The following KCNJ16 variants were observed in gnomAD, a reference collection of about 807,000 sequenced individuals.
KCNJ16 encodes potassium inwardly rectifying channel subfamily J member 16.
KCNJ16 carries 15 observed loss-of-function variants against 18.5 expected under a neutral mutation model. That is an observed-to-expected ratio of 0.81 (90% CI 0.54 to 1.25). The LOEUF (loss-of-function observed/expected upper bound fraction) is 1.25. Ranked by LOEUF, KCNJ16 falls within the 50% of genes most tolerant of loss-of-function variation. The pLI, the probability that KCNJ16 is intolerant of heterozygous loss-of-function variation, is 0.00. For synonymous variants in KCNJ16, 174 were observed against 186.5 expected, an observed-to-expected ratio of 0.93 and a Z score of 0.55; for missense variants, 523 against 525.7, an observed-to-expected ratio of 0.99 and a Z score of 0.05.
At chr17:70,125,087 G>T (rs778386337) in intron 2 of KCNJ16, among the ~76,000 whole-genome samples, 1 of 152,094 alleles carries the variant, frequency 6.6e-6, no homozygotes, top group African/African-American at 2.4e-5. Flanking sequence ...GCAACACAGC[G>T]GGACCCTATC....
chr17:70,079,585 TAAG>T (rs1436221480), intron 1 of KCNJ16, among the ~76,000 whole-genome samples: 1 of 152,230 alleles, frequency 6.6e-6, no homozygotes. Flanking sequence ...TAAAAGAAAT[TAAG>T]AATCATACTT....
At chr17:70,076,081 T>C (rs756820114) in intron 1 of KCNJ16, among the ~76,000 whole-genome samples, 16 of 152,142 alleles carry the variant, frequency 1.1e-4, no homozygotes, top group Non-Finnish European at 1.5e-5. Flanking sequence ...CTCTGACATA[T>C]ATAATTGAAC....
chr17:70,116,345 A>G (rs1323097611), intron 2 of KCNJ16, among the ~76,000 whole-genome samples: 1 of 152,162 alleles, frequency 6.6e-6, no homozygotes, highest in Non-Finnish European at 1.5e-5. Flanking sequence ...TTTATAAAAT[A>G]GCTAATTCAC....
chr17:70,105,604 G>C (rs2072887736), intron 2 of KCNJ16, among the ~76,000 whole-genome samples: 1 of 152,160 alleles, frequency 6.6e-6, no homozygotes, highest in African/African-American at 2.4e-5. Flanking sequence ...ATGCCGTAAA[G>C]ACTCTTTAGA....
rs1361925162 is a variant in KCNJ16 at position 70,132,957 on chromosome 17, A to T, written c.870A>T (p.Gly290=). The change falls in exon 4 of 4, where the codon GGA becomes GGT. Residue 290 remains glycine, a synonymous_variant. Transcript: ENST00000392671. The part of the protein sequence containing the change: ...VTFIYTGDST[G]TSHQSRSSYV... ...TTATCTATACTGGTGATTCCACTGG[A>T]ACATCTCACCAATCTAGAAGCTCCT... 2 of 1,614,158 alleles carry T rather than the reference A, an allele frequency of 1.2e-6. No homozygotes were observed. Among genetic ancestry groups the T allele is most frequent in the Admixed American group, 3.3e-5 (2 of 60,026 alleles).
chr17:70,085,429 T>C (rs916671830), intron 1 of KCNJ16, among the ~76,000 whole-genome samples: 2 of 152,204 alleles, frequency 1.3e-5, no homozygotes, highest in African/African-American at 4.8e-5. Flanking sequence ...ATAGCTAGAT[T>C]TGAACTATGT....
intron 1 of KCNJ16, among the ~76,000 whole-genome samples, chr17:70,097,678 CCTATT>C (rs1444957422): frequency 1.3e-5 from 2 of 152,098 alleles, no homozygotes; most frequent in African/African-American, 2.4e-5. Flanking sequence ...ACCCACTACC[CCTATT>C]TAACAGGGAA....
intron 1 of KCNJ16, among the ~76,000 whole-genome samples, chr17:70,092,089 A>G (rs900706462): frequency 6.6e-6 from 1 of 152,228 alleles, no homozygotes; most frequent in Non-Finnish European, 1.5e-5. Context: ...GCACATTGGA[A>G]TGAACCATAG....
chr17:70,104,107 C>A (rs1420143084), intron 2 of KCNJ16, among the ~76,000 whole-genome samples: 1 of 151,806 alleles, frequency 6.6e-6, no homozygotes, highest in Admixed American at 6.6e-5. Flanking sequence ...GGACTACAGG[C>A]ACATGCTACT....
intron 1 of KCNJ16, among the ~76,000 whole-genome samples, chr17:70,097,338 T>A (rs2072425091): frequency 6.6e-6 from 1 of 152,180 alleles, no homozygotes; most frequent in Non-Finnish European, 1.5e-5. Flanking sequence ...ACTGTTTTTG[T>A]TAGAAAGGCC....
intron 1 of KCNJ16, among the ~76,000 whole-genome samples, chr17:70,083,782 A>C (rs1392816237): frequency 6.6e-6 from 1 of 152,168 alleles, no homozygotes; most frequent in African/African-American, 2.4e-5. Context: ...CACATATTCT[A>C]TGTGAAGCTG....
Position 70,134,872 on chromosome 17 carries a change from T to C in KCNJ16, c.*1528T>C, listed in dbSNP as rs939194727. 2.4e-5 allele frequency: 4 copies of C among 167,018 alleles called. No individual in the cohort carries two copies. Among genetic ancestry groups the C allele is most frequent in the African/African-American group, 9.6e-5 (4 of 41,466 alleles). The allele number at this position is 167,018 out of a possible 1,614,324, so 10.3% of individuals were successfully genotyped here. A position where few individuals can be genotyped will look rare whatever the true frequency, so the allele number is the denominator to read the frequency against. ...ATGAAGTAATTACATAGTCCAAGAT[T>C]AGAAATACAAGTAAAATATATAGGT... On this transcript the variant is annotated 3_prime_UTR_variant, in exon 4 of 4. Transcript: ENST00000392671.
chr17:70,077,068 A>C (rs2071345914), intron 1 of KCNJ16, among the ~76,000 whole-genome samples: 1 of 152,240 alleles, frequency 6.6e-6, no homozygotes, highest in Admixed American at 6.5e-5. Flanking sequence ...TCCTTGGAGA[A>C]GAGCAGTTCA....
At chr17:70,100,046 C>G (rs1239695373) in intron 1 of KCNJ16, among the ~76,000 whole-genome samples, 1 of 152,158 alleles carries the variant, frequency 6.6e-6, no homozygotes, top group Non-Finnish European at 1.5e-5. Context: ...GTGAGAACTT[C>G]AGACACTTCC....
chr17:70,077,639 T>C (rs775701789), intron 1 of KCNJ16, among the ~76,000 whole-genome samples: 4 of 151,298 alleles, frequency 2.6e-5, no homozygotes, highest in Non-Finnish European at 4.4e-5. Flanking sequence ...GAATTAGAAG[T>C]CTTTCTCCAA....
chr17:70,117,902 C>T (rs2073476432), intron 2 of KCNJ16, among the ~76,000 whole-genome samples: 1 of 152,074 alleles, frequency 6.6e-6, no homozygotes, highest in African/African-American at 2.4e-5. Flanking sequence ...CAGGGTGTGG[C>T]AAACTCTTCT....
intron 2 of KCNJ16, among the ~76,000 whole-genome samples, chr17:70,114,329 A>G (rs1420054057): frequency 6.6e-6 from 1 of 152,138 alleles, no homozygotes; most frequent in Admixed American, 6.6e-5. Flanking sequence ...TAAATTGCCA[A>G]AGAGGACAGT....
chr17:70,097,062 T>C (rs549628187), intron 1 of KCNJ16: 1 of 385,632 alleles, frequency 2.6e-6, no homozygotes, highest in African/African-American at 2.1e-5. Flanking sequence ...TTGTGTAAGT[T>C]TTATTTCATA....
chr17:70,112,277 C>A (rs1038049642), intron 2 of KCNJ16, among the ~76,000 whole-genome samples: 32 of 152,008 alleles, frequency 2.1e-4, no homozygotes, highest in Non-Finnish European at 3.8e-4. Flanking sequence ...ATTATGTCTT[C>A]TCTCGTAAAT....
Sources: allele counts gnomAD v4.1 joint callset (sites outside exome capture counted in the v4.1 genomes callset), GRCh38; gene constraint gnomAD v4.1.1; transcripts MANE v1.5; gene names NCBI Gene and HGNC (gene_info 2026-07-23, HGNC 2026-07-21).